GNB1: variants seen among roughly 807,000 people sequenced by gnomAD.
GNB1 encodes the protein guanine nucleotide-binding protein G(I)/G(S)/G(T) subunit beta-1.
Under a neutral mutation model 42.9 loss-of-function variants are expected in GNB1, and 2 were observed. The observed-to-expected ratio is 0.05, with a 90% CI of 0.02 to 0.15. GNB1 has a LOEUF of 0.15. Ranked by LOEUF, GNB1 falls within the 10% of genes least tolerant of loss-of-function variation. The probability of loss-of-function intolerance (pLI) is 1.00; values close to 1 mark genes in which losing one functional copy is unlikely to be tolerated. For synonymous variants in GNB1, 183 were observed against 174.7 expected (o/e 1.05, Z -0.38); for missense variants, 193 against 462.2 (o/e 0.42, Z 5.34).
chr1:1,873,771 T>C (rs1232404977), intron 1 of GNB1, among the ~76,000 whole-genome samples: 2 of 152,046 alleles, frequency 1.3e-5, no homozygotes, highest in Non-Finnish European at 2.9e-5. Context: ...TGAGCCAAGA[T>C]GGTGCCACTG....
intron 5 of GNB1, among the ~76,000 whole-genome samples, chr1:1,807,697 A>C (rs906063044): frequency 7.9e-5 from 12 of 151,258 alleles, no homozygotes; most frequent in Non-Finnish European, 1.8e-4. Flanking sequence ...AACTATCACG[A>C]ATTTTTTCTT....
chr1:1,879,487 A>G (rs1649722156), intron 1 of GNB1, among the ~76,000 whole-genome samples: 1 of 152,182 alleles, frequency 6.6e-6, no homozygotes, highest in Admixed American at 6.5e-5. Context: ...CGGGCAGATC[A>G]CGAGATCAGG....
rs775002088 is a variant in GNB1, at chr1:1,788,873, C to T, written c.916+180G>A. The stretch of plus-strand genomic sequence containing the variant: ...TGTGGGAAGATCTGCTGGTACTCCT[C>T]GGAGTCCACTTGCCTGGAGGGTCAG... On this transcript the variant is annotated intron_variant, in intron 10 of 11. Coordinates refer to ENST00000378609, the MANE Select transcript of GNB1 (RefSeq NM_002074.5). The T allele has an allele frequency of 1.1e-4, 66 of 579,946 alleles. 1 individual carries two copies. The highest frequency in any genetic ancestry group is 1.8e-4 in the Non-Finnish European group (59 of 322,224). 35.9% of individuals were successfully genotyped at this position (579,946 alleles called of 1,614,324 possible).
In GNB1 at chr1:1,787,503, T is replaced by C. The variant is rs1398709611; in HGVS notation, c.917-66A>G. 4 of 952,396 alleles carry C rather than the reference T, an allele frequency of 4.2e-6. No homozygotes were observed. Among genetic ancestry groups the C allele is most frequent in the South Asian group, 1.4e-5 (1 of 72,732 alleles). 59.0% of individuals were successfully genotyped at this position (952,396 alleles called of 1,614,324 possible). ...GCATCGATCTCACCTGTGTGCCATG[T>C]TGTGACGAGGACGGATGGTGCATCT... On this transcript the variant is annotated intron_variant, in intron 10 of 11. Transcript: ENST00000378609. The surrounding 1 kb of genome is among the most constrained non-coding windows in gnomAD (Gnocchi z 4.4).
At chr1:1,807,870 G>A (rs981708656) in intron 5 of GNB1, among the ~76,000 whole-genome samples, 2 of 151,962 alleles carry the variant, frequency 1.3e-5, no homozygotes, top group Non-Finnish European at 2.9e-5. Flanking sequence ...ATCACGCCCA[G>A]CTAATTCTTT....
intron 1 of GNB1, among the ~76,000 whole-genome samples, chr1:1,842,714 G>C (rs1006049504): frequency 1.3e-5 from 2 of 152,194 alleles, no homozygotes; most frequent in African/African-American, 4.8e-5. Flanking sequence ...ATTAGCTAGA[G>C]ACGGTGGTTG....
chr1:1,857,528 C>A (rs1005191728), intron 1 of GNB1, among the ~76,000 whole-genome samples: 1 of 152,176 alleles, frequency 6.6e-6, no homozygotes, highest in Non-Finnish European at 1.5e-5. Context: ...CACTGTGGAA[C>A]TGGGGAGGAT....
chr1:1,797,801 A>T (rs1646566536), intron 7 of GNB1, among the ~76,000 whole-genome samples: 1 of 152,208 alleles, frequency 6.6e-6, no homozygotes, highest in South Asian at 2.1e-4. Flanking sequence ...TGCACCCTGG[A>T]GAACATCCCT....
At chr1:1,838,488 A>C (rs183028404) in intron 2 of GNB1, among the ~76,000 whole-genome samples, 9 of 148,680 alleles carry the variant, frequency 6.1e-5, no homozygotes, top group Non-Finnish European at 1.5e-5. Context: ...TCTGTCCCAC[A>C]GGCTGGAGTG....
chr1:1,857,627 A>G (rs539553360), intron 1 of GNB1, among the ~76,000 whole-genome samples: 15 of 152,188 alleles, frequency 9.9e-5, no homozygotes, highest in South Asian at 2.1e-4. Flanking sequence ...AGCAATGACG[A>G]TATCTTTAAC....
chr1:1,850,462 C>T (rs1351674038), intron 1 of GNB1, among the ~76,000 whole-genome samples: 2 of 151,516 alleles, frequency 1.3e-5, no homozygotes, highest in Non-Finnish European at 2.9e-5. Flanking sequence ...GGTTTATTTT[C>T]TTCTGCTTGT....
intron 2 of GNB1, among the ~76,000 whole-genome samples, chr1:1,832,494 G>C (rs1647090415): frequency 6.6e-6 from 1 of 152,184 alleles, no homozygotes; most frequent in Non-Finnish European, 1.5e-5. Flanking sequence ...TTTTGAGAGA[G>C]ATTTGAATAA....
At chr1:1,856,459 C>T (rs1334740603) in intron 1 of GNB1, among the ~76,000 whole-genome samples, 2 of 151,772 alleles carry the variant, frequency 1.3e-5, no homozygotes, top group East Asian at 3.9e-4. Flanking sequence ...GACAGAGTCT[C>T]GCTCTGTCGC....
intron 1 of GNB1, among the ~76,000 whole-genome samples, chr1:1,871,824 C>A (rs1190368638): frequency 1.3e-5 from 2 of 152,142 alleles, no homozygotes. Context: ...CCCTACTCCC[C>A]TACACCCGGT....
intron 8 of GNB1, among the ~76,000 whole-genome samples, chr1:1,792,936 G>A (rs1403979868): frequency 6.6e-6 from 1 of 151,722 alleles, no homozygotes; most frequent in African/African-American, 2.4e-5. Flanking sequence ...CGTGGTGGCG[G>A]GCACCTGTAA....
At chr1:1,825,957 A>C (rs1021799687) in intron 2 of GNB1, among the ~76,000 whole-genome samples, 1 of 152,218 alleles carries the variant, frequency 6.6e-6, no homozygotes, top group African/African-American at 2.4e-5. Context: ...ACAATGGCTA[A>C]GTAGGGCCAG....
intron 2 of GNB1, among the ~76,000 whole-genome samples, chr1:1,837,254 A>C (rs944198349): frequency 7.5e-5 from 11 of 146,912 alleles, no homozygotes; most frequent in African/African-American, 2.5e-4. Context: ...CCATTGAGTT[A>C]ATTTTTTTTT....
chr1:1,813,869 G>GAT (rs1350497442), intron 5 of GNB1, among the ~76,000 whole-genome samples: 11 of 152,164 alleles, frequency 7.2e-5, no homozygotes, highest in Admixed American at 5.2e-4. Flanking sequence ...GTGATATTCT[G>GAT]ATATATATCC....
chr1:1,869,185 CAAAAAAAAAAAA>C (rs71578347), intron 1 of GNB1, among the ~76,000 whole-genome samples: 7 of 26,748 alleles, frequency 2.6e-4, no homozygotes, highest in Admixed American at 8.8e-4. Context: ...GACACCTTCT[CAAAAAAAAAAAA>C]AAAAAAAAAA....
Sources: allele counts gnomAD v4.1 joint callset (sites outside exome capture counted in the v4.1 genomes callset), GRCh38; gene constraint gnomAD v4.1.1; non-coding constraint Gnocchi (gnomAD v3.1); transcripts MANE v1.5; gene names NCBI Gene and HGNC (gene_info 2026-07-23, HGNC 2026-07-21).